The following CSMD1 variants were observed in gnomAD, a reference collection of about 807,000 sequenced individuals.
The protein encoded by CSMD1 is CUB and Sushi multiple domains 1, also known as CUB and sushi domain-containing protein 1.
A neutral mutation model predicts 417.5 loss-of-function variants in CSMD1; 213 were observed. The ratio of observed to expected loss-of-function variants is 0.51; its 90% CI spans 0.46 to 0.57. The LOEUF (loss-of-function observed/expected upper bound fraction) is 0.57, where lower values mean the gene tolerates loss of function less well. Among genes scored for constraint, CSMD1 ranks in the 20% least tolerant of loss-of-function variants. CSMD1 has a pLI of 0.00. For synonymous variants in CSMD1, 2,862 were observed against 1,736.8 expected (o/e 1.65, Z -16.11); for missense variants, 6,923 against 4,529.7 (o/e 1.53, Z -15.17).
chr8:4,714,874 G>T (rs1475426814), intron 1 of CSMD1, among the ~76,000 whole-genome samples: 3 of 152,166 alleles, frequency 2.0e-5, no homozygotes, highest in African/African-American at 4.8e-5. Flanking sequence ...AAAAAAATCT[G>T]TATACCTTTA....
chr8:3,695,879 T>A (rs1471547347), intron 7 of CSMD1, among the ~76,000 whole-genome samples: 1 of 152,222 alleles, frequency 6.6e-6, no homozygotes, highest in Admixed American at 6.5e-5. Context: ...TTACAAGGTA[T>A]ATTCATTGTA....
In CSMD1 at chr8:4,570,613, T is replaced by C. The variant is rs1402549654; in HGVS notation, c.302+66729A>G. ...ATAGGCCTGAAATTTTCTTTTTTTA[T>C]TGTGTCTCTGCCAGGTTTTGGTATT... On this transcript the variant is annotated intron_variant, in intron 2 of 69. Transcript: ENST00000635120. Among the ~76,000 whole-genome samples, 4 of 152,206 alleles carry C rather than the reference T, an allele frequency of 2.6e-5. No individual in the cohort carries two copies. In the East Asian group the frequency reaches 5.8e-4, roughly 22 times the overall value.
At chr8:3,902,552 C>T (rs959853285) in intron 5 of CSMD1, among the ~76,000 whole-genome samples, 1 of 152,116 alleles carries the variant, frequency 6.6e-6, no homozygotes, top group African/African-American at 2.4e-5. Flanking sequence ...TCACAACCTA[C>T]ATCCATTGCA....
intron 3 of CSMD1, among the ~76,000 whole-genome samples, chr8:4,163,965 T>C (rs963769263): frequency 1.3e-5 from 2 of 152,176 alleles, no homozygotes; most frequent in African/African-American, 4.8e-5. Flanking sequence ...AAATTAATTT[T>C]AGGGTGGTGA....
At chr8:4,325,026 G>A (rs1476679227) in intron 3 of CSMD1, among the ~76,000 whole-genome samples, 1 of 152,134 alleles carries the variant, frequency 6.6e-6, no homozygotes, top group African/African-American at 2.4e-5. Context: ...AGTGAGTGCT[G>A]CACTGTGGCT....
At chr8:4,932,350 A>G (rs994858258) in intron 1 of CSMD1, among the ~76,000 whole-genome samples, 3 of 147,476 alleles carry the variant, frequency 2.0e-5, no homozygotes, top group Non-Finnish European at 4.5e-5. Flanking sequence ...AAAAAAAAAA[A>G]CACTCAAAGT....
At chr8:4,586,781 C>T (rs1799721477) in intron 2 of CSMD1, among the ~76,000 whole-genome samples, 1 of 152,174 alleles carries the variant, frequency 6.6e-6, no homozygotes, top group South Asian at 2.1e-4. Flanking sequence ...TTCTGTGCTC[C>T]TCCAGGATGA....
chr8:4,578,598 C>T (rs536298916), intron 2 of CSMD1, among the ~76,000 whole-genome samples: 7 of 151,224 alleles, frequency 4.6e-5, no homozygotes, highest in Non-Finnish European at 7.4e-5. Flanking sequence ...GGGCGGTTCA[C>T]GAGGTCAGGA....
chr8:3,637,206 CAT>C (rs1316212389), intron 7 of CSMD1, among the ~76,000 whole-genome samples: 1 of 152,196 alleles, frequency 6.6e-6, no homozygotes, highest in Non-Finnish European at 1.5e-5. Flanking sequence ...AGCTGTGTGA[CAT>C]ATTCTAACTT....
chr8:4,251,628 C>A (rs1365766140), intron 3 of CSMD1, among the ~76,000 whole-genome samples: 1 of 152,162 alleles, frequency 6.6e-6, no homozygotes, highest in East Asian at 1.9e-4. Context: ...ATATTACACA[C>A]TGGCAGCTGA....
At chr8:3,343,485 C>G in intron 22 of CSMD1, 35 bp from the exon 23 acceptor site, 1 of 1,574,536 alleles carries the variant, frequency 6.4e-7, no homozygotes, top group Non-Finnish European at 8.7e-7. Context: ...CCCTCTATGC[C>G]TTCACTGGAT....
intron 1 of CSMD1, among the ~76,000 whole-genome samples, chr8:4,918,676 G>A (rs1806231507): frequency 1.3e-5 from 2 of 152,120 alleles, no homozygotes; most frequent in Non-Finnish European, 2.9e-5. Context: ...CTATTTCAGT[G>A]AAATAAACTT....
intron 7 of CSMD1, among the ~76,000 whole-genome samples, chr8:3,627,046 G>A (rs1054483570): frequency 6.6e-6 from 1 of 152,026 alleles, no homozygotes; most frequent in Admixed American, 6.6e-5. Flanking sequence ...TTTTTAAAGA[G>A]CAGAAATATT....
chr8:3,755,588 C>A (rs2720867), intron 5 of CSMD1, among the ~76,000 whole-genome samples: 17 of 151,964 alleles, frequency 1.1e-4, no homozygotes, highest in African/African-American at 3.9e-4. Flanking sequence ...TCTACACAGA[C>A]GATTTCCTAC....
At chr8:2,950,174 C>A in intron 67 of CSMD1, 57 bp downstream of exon 67, 1 of 1,165,726 alleles carries the variant, frequency 8.6e-7, no homozygotes, top group South Asian at 1.2e-5. Context: ...CTTGCATCTG[C>A]ACAGAGAGAT....
chr8:3,479,518 G>A (rs1817614146), intron 11 of CSMD1, among the ~76,000 whole-genome samples: 1 of 152,188 alleles, frequency 6.6e-6, no homozygotes, highest in Non-Finnish European at 1.5e-5. Flanking sequence ...GACCTTAGGT[G>A]ATCTGCCCAC....
chr8:4,446,178 T>G (rs1461369803), intron 2 of CSMD1, among the ~76,000 whole-genome samples: 3 of 152,212 alleles, frequency 2.0e-5, no homozygotes, highest in African/African-American at 7.2e-5. Flanking sequence ...AAATGACGCA[T>G]CAAAGAAACA....
intron 2 of CSMD1, among the ~76,000 whole-genome samples, chr8:4,515,770 T>A (rs959231903): frequency 2.6e-5 from 4 of 152,126 alleles, no homozygotes; most frequent in African/African-American, 9.7e-5. Context: ...AACTCTCTGT[T>A]TTATAAATGA....
At chr8:2,956,788 G>C (rs1049107497) in intron 63 of CSMD1, among the ~76,000 whole-genome samples, 4 of 152,002 alleles carry the variant, frequency 2.6e-5, no homozygotes, top group Admixed American at 2.6e-4. Flanking sequence ...GCATGCAGTT[G>C]TTTTGAATGT....
Sources: allele counts gnomAD v4.1 joint callset (sites outside exome capture counted in the v4.1 genomes callset), GRCh38; gene constraint gnomAD v4.1.1; transcripts MANE v1.5; gene names NCBI Gene and HGNC (gene_info 2026-07-23, HGNC 2026-07-21).